The following LRMDA variants were observed in gnomAD, a reference collection of about 807,000 sequenced individuals.
The protein encoded by LRMDA is leucine rich melanocyte differentiation associated.
LRMDA carries 18 observed loss-of-function variants against 29.8 expected under a neutral mutation model. That is an observed-to-expected ratio of 0.60 (90% CI 0.42 to 0.90). The LOEUF is 0.90. Among genes scored for constraint, LRMDA ranks in the 40% least tolerant of loss-of-function variants. The pLI is 0.00. For missense variants in LRMDA, 273 were observed against 273.9 expected (o/e 1.00, Z 0.02); for synonymous variants, 125 against 109.4 (o/e 1.14, Z -0.89).
chr10:75,841,754 T>G (rs1844544852), intron 2 of LRMDA, among the ~76,000 whole-genome samples: 1 of 152,178 alleles, frequency 6.6e-6, no homozygotes, highest in South Asian at 2.1e-4. Flanking sequence ...GAAAATTTCT[T>G]TATTGGAATG....
intron 2 of LRMDA, among the ~76,000 whole-genome samples, chr10:75,775,616 A>G (rs1843301600): frequency 6.6e-6 from 1 of 152,178 alleles, no homozygotes; most frequent in Non-Finnish European, 1.5e-5. Flanking sequence ...TGTGAGTCAT[A>G]TGTAATGAGG....
intron 2 of LRMDA, among the ~76,000 whole-genome samples, chr10:75,660,526 G>A (rs1019001809): frequency 2.0e-5 from 3 of 152,140 alleles, no homozygotes; most frequent in African/African-American, 2.4e-5. Context: ...AAAAGGCTCC[G>A]CAGTGAACCA....
chr10:76,070,479 GAGA>G (rs1245999570), intron 5 of LRMDA, among the ~76,000 whole-genome samples: 1 of 152,202 alleles, frequency 6.6e-6, no homozygotes, highest in African/African-American at 2.4e-5. Context: ...AGTAAAGAAA[GAGA>G]AGGAGATCTC....
intron 2 of LRMDA, among the ~76,000 whole-genome samples, chr10:75,994,163 A>G (rs1847419475): frequency 6.6e-6 from 1 of 152,184 alleles, no homozygotes; most frequent in Non-Finnish European, 1.5e-5. Flanking sequence ...CAATATTTGT[A>G]TTTTCATTGT....
chr10:76,270,222 G>T (rs1840050545), intron 5 of LRMDA: 1 of 152,208 alleles, frequency 6.6e-6, no homozygotes, highest in Admixed American at 6.5e-5. Context: ...CAAAGAAAAT[G>T]CATGAGAGCA....
rs112064885 is a variant in LRMDA, at chr10:76,431,897, G to T, written c.601+107412G>T. ...AAAAAACGGGAATTTCCCTGTACAA[G>T]CTCCCTTCTCTTGTCTGCTGCCATG... is the stretch of plus-strand genomic sequence containing the variant. On this transcript the variant is annotated intron_variant, in intron 6 of 6. Coordinates refer to ENST00000611255, the MANE Select transcript of LRMDA (RefSeq NM_001305581.2). Among the ~76,000 whole-genome samples the T allele has an allele frequency of 9.2e-5, 14 of 152,272 alleles. 2 individuals are homozygous for T. Among genetic ancestry groups the T allele is most frequent in the African/African-American group, 3.4e-4 (14 of 41,550 alleles).
intron 2 of LRMDA, among the ~76,000 whole-genome samples, chr10:75,860,391 T>C (rs975442821): frequency 6.8e-6 from 1 of 147,258 alleles, no homozygotes; most frequent in African/African-American, 2.5e-5. Flanking sequence ...GCGCGATCTC[T>C]GCTCACTGCA....
At chr10:76,143,320 T>G (rs1247024381) in intron 5 of LRMDA, among the ~76,000 whole-genome samples, 1 of 152,210 alleles carries the variant, frequency 6.6e-6, no homozygotes, top group Non-Finnish European at 1.5e-5. Context: ...AGTGTAAAAG[T>G]GTTCCTATTT....
intron 2 of LRMDA, among the ~76,000 whole-genome samples, chr10:75,501,987 G>GT (rs1478979018): frequency 5.3e-5 from 8 of 152,138 alleles, no homozygotes; most frequent in Non-Finnish European, 1.0e-4. Flanking sequence ...TGAAAGTAGA[G>GT]TGTGTGTGAA....
At chr10:75,814,449 C>T (rs1844021989) in intron 2 of LRMDA, among the ~76,000 whole-genome samples, 1 of 152,186 alleles carries the variant, frequency 6.6e-6, no homozygotes. Context: ...CTAGTGTGCT[C>T]TCCTAAAGGG....
At chr10:76,535,639 T>G (rs2132378287) in intron 6 of LRMDA, among the ~76,000 whole-genome samples, 1 of 152,280 alleles carries the variant, frequency 6.6e-6, no homozygotes, top group Admixed American at 6.5e-5. Flanking sequence ...TTTTCAAGCC[T>G]ACAGAAAAGT....
At chr10:76,091,659 C>G (rs920205786) in intron 5 of LRMDA, among the ~76,000 whole-genome samples, 3 of 151,988 alleles carry the variant, frequency 2.0e-5, no homozygotes, top group Admixed American at 1.3e-4. Flanking sequence ...CCATGCATCC[C>G]CCTCCCACCA....
intron 2 of LRMDA, among the ~76,000 whole-genome samples, chr10:75,560,355 A>C (rs1310717351): frequency 6.6e-6 from 1 of 151,612 alleles, no homozygotes; most frequent in Non-Finnish European, 1.5e-5. Context: ...GGTGTATAAG[A>C]ATGCTTGTGA....
At chr10:75,470,934 C>A (rs1844718062) in intron 2 of LRMDA, among the ~76,000 whole-genome samples, 1 of 152,190 alleles carries the variant, frequency 6.6e-6, no homozygotes, top group African/African-American at 2.4e-5. Context: ...TTTGGGTCTT[C>A]CCTGTTGAAT....
intron 5 of LRMDA, among the ~76,000 whole-genome samples, chr10:76,157,519 C>T (rs895220349): frequency 1.3e-5 from 2 of 151,850 alleles, no homozygotes; most frequent in African/African-American, 4.8e-5. Flanking sequence ...AGGGCTGAGG[C>T]AGGAAGATTG....
chr10:75,785,268 A>G (rs950462635), intron 2 of LRMDA, among the ~76,000 whole-genome samples: 1 of 152,256 alleles, frequency 6.6e-6, no homozygotes, highest in Non-Finnish European at 1.5e-5. Flanking sequence ...CTGCTTCTGC[A>G]TAATGAGAGA....
chr10:75,977,067 T>C (rs1847085394), intron 2 of LRMDA, among the ~76,000 whole-genome samples: 1 of 151,932 alleles, frequency 6.6e-6, no homozygotes. Flanking sequence ...CACACCACAT[T>C]TGCTATTTAT....
chr10:75,524,586 T>A, intron 2 of LRMDA, among the ~76,000 whole-genome samples: 1 of 152,158 alleles, frequency 6.6e-6, no homozygotes, highest in East Asian at 1.9e-4. Flanking sequence ...GGGTAGGAAA[T>A]GAGAAGTTGG....
chr10:76,189,378 C>T (rs1222579451), intron 5 of LRMDA, among the ~76,000 whole-genome samples: 5 of 151,836 alleles, frequency 3.3e-5, no homozygotes, highest in African/African-American at 7.3e-5. Flanking sequence ...AGTTTTTATT[C>T]TTAAATAACC....
Sources: gnomAD v4.1 joint callset for allele counts (sites outside exome capture counted in the v4.1 genomes callset) on GRCh38, gnomAD v4.1.1 for gene constraint, MANE v1.5 for transcripts, NCBI Gene and HGNC (gene_info 2026-07-23, HGNC 2026-07-21) for gene names.